The following FMNL2 variants were observed in gnomAD, a reference collection of about 807,000 sequenced individuals.
The protein encoded by FMNL2 is formin like 2.
Under a neutral mutation model 130.2 loss-of-function variants are expected in FMNL2, and 51 were observed. The observed-to-expected ratio is 0.39, with a 90% CI of 0.31 to 0.49. FMNL2 has a LOEUF of 0.49. Among genes scored for constraint, FMNL2 ranks in the 20% least tolerant of loss-of-function variants. The pLI is 0.85. For missense variants in FMNL2, 977 were observed against 1,316.2 expected (o/e 0.74, Z 3.99); for synonymous variants, 465 against 467.1 (o/e 1.00, Z 0.06).
chr2:152,446,085 CAT>C (rs893566370), intron 1 of FMNL2, among the ~76,000 whole-genome samples: 24 of 152,190 alleles, frequency 1.6e-4, no homozygotes, highest in African/African-American at 5.1e-4. Flanking sequence ...GAAATTAGAC[CAT>C]GTGTGTGGCG....
intron 1 of FMNL2, among the ~76,000 whole-genome samples, chr2:152,487,154 T>G (rs1297509703): frequency 2.0e-5 from 3 of 152,238 alleles, no homozygotes; most frequent in African/African-American, 7.2e-5. Context: ...ACATAAATCT[T>G]ATATTCTACA....
At chr2:152,390,027 A>G (rs1685014863) in intron 1 of FMNL2, 1 of 1,581,852 alleles carries the variant, frequency 6.3e-7, no homozygotes, top group Non-Finnish European at 8.7e-7. Context: ...GGATGCAGAG[A>G]ATCATGAGGC....
In FMNL2 at chr2:152,568,218, G is replaced by GTTTTTTTTT. The variant is rs1177965681; in HGVS notation, c.597-6911_597-6903dup. ...TGAGCAACGGCTTCCATTTTGGTGG[G>GTTTTTTTTT]TTTTTTTTTTTTTTTGAGACGGAGT... is the stretch of plus-strand genomic sequence containing the variant. On this transcript the variant is annotated intron_variant, in intron 6 of 25. Transcript: ENST00000288670. Among the ~76,000 whole-genome samples, 8 of 34,856 alleles carry GTTTTTTTTT rather than the reference G, an allele frequency of 2.3e-4. 2 individuals are homozygous for GTTTTTTTTT. Among genetic ancestry groups the GTTTTTTTTT allele is most frequent in the African/African-American group, 6.7e-4 (8 of 11,874 alleles). The allele number at this position is 34,856 out of a possible 152,430, so 22.9% of individuals were successfully genotyped here. A position where few individuals can be genotyped will look rare whatever the true frequency, so the allele number is the denominator to read the frequency against.
intron 1 of FMNL2, among the ~76,000 whole-genome samples, chr2:152,392,884 G>A (rs1685193745): frequency 6.6e-6 from 1 of 152,168 alleles, no homozygotes; most frequent in South Asian, 2.1e-4. Flanking sequence ...GGAGAGCTAA[G>A]AGTGGGAGGG....
chr2:152,516,247 CTACT>C (rs374073367), intron 1 of FMNL2, among the ~76,000 whole-genome samples: 50 of 152,208 alleles, frequency 3.3e-4, no homozygotes, highest in African/African-American at 9.2e-4. Context: ...GTTATAAACA[CTACT>C]TAAAGTATAA....
intron 2 of FMNL2, among the ~76,000 whole-genome samples, chr2:152,523,179 A>G (rs1177536679): frequency 1.3e-5 from 2 of 152,142 alleles, no homozygotes; most frequent in Non-Finnish European, 2.9e-5. Context: ...TTTCCAAAAG[A>G]AACTATATAA....
intron 3 of FMNL2, among the ~76,000 whole-genome samples, chr2:152,547,936 A>G (rs1330871955): frequency 6.6e-6 from 1 of 152,192 alleles, no homozygotes; most frequent in Non-Finnish European, 1.5e-5. Context: ...ATATTTCTGT[A>G]GGAAAATGTG....
chr2:152,619,442 C>T, intron 14 of FMNL2, 67 bp from the exon 15 acceptor site: 1 of 1,545,058 alleles, frequency 6.5e-7, no homozygotes, highest in Non-Finnish European at 8.7e-7. Flanking sequence ...TTTATATGCA[C>T]ATGGCTTATT....
intron 20 of FMNL2, among the ~76,000 whole-genome samples, chr2:152,630,918 C>G (rs1682115222): frequency 6.6e-6 from 1 of 152,134 alleles, no homozygotes; most frequent in Non-Finnish European, 1.5e-5. Flanking sequence ...TGGGAGAGTT[C>G]ATGTAATCAG....
At chr2:152,560,724 A>G (rs2105596849) in intron 5 of FMNL2, among the ~76,000 whole-genome samples, 159 bp from the exon 6 acceptor site, 1 of 152,358 alleles carries the variant, frequency 6.6e-6, no homozygotes, top group Admixed American at 6.5e-5. Flanking sequence ...CACTGAGCCC[A>G]TAGAAATTCC....
chr2:152,593,860 A>AGAGTGTGTGTGTGTGT (rs1365489869), intron 9 of FMNL2, among the ~76,000 whole-genome samples: 1 of 113,294 alleles, frequency 8.8e-6, no homozygotes, highest in African/African-American at 3.5e-5. Context: ...AGAGAGAGAG[A>AGAGTGTGTGTGTGTGT]GTGTGTGTGT....
At chr2:152,479,215 C>T (rs1178740016) in intron 1 of FMNL2, among the ~76,000 whole-genome samples, 1 of 152,128 alleles carries the variant, frequency 6.6e-6, no homozygotes, top group East Asian at 1.9e-4. Context: ...CCTCGAACTC[C>T]TGGGCTCAAC....
In FMNL2 at chr2:152,486,238, C is replaced by T. The variant is rs896067961; in HGVS notation, c.118-35705C>T. On this transcript the variant is annotated intron_variant, in intron 1 of 25. Coordinates refer to ENST00000288670, the MANE Select transcript of FMNL2 (RefSeq NM_052905.4). The stretch of plus-strand genomic sequence containing the variant: ...ATCGCTGTAAAGTTAATGTAATTTA[C>T]GGGAAGTTCCCGTGCCACACTGCAT... Among the ~76,000 whole-genome samples, 6 of 152,276 alleles carry T rather than the reference C, an allele frequency of 3.9e-5. No homozygotes were observed. The East Asian group carries it at 5.8e-4, about 15-fold the overall frequency.
intron 1 of FMNL2, among the ~76,000 whole-genome samples, chr2:152,380,834 T>C (rs1684421837): frequency 6.6e-6 from 1 of 152,164 alleles, no homozygotes. Context: ...GTAAGACCGT[T>C]CTAGTTTAAG....
intron 1 of FMNL2, among the ~76,000 whole-genome samples, chr2:152,346,705 A>G (rs1682143441): frequency 6.6e-6 from 1 of 152,140 alleles, no homozygotes; most frequent in African/African-American, 2.4e-5. Context: ...TGATGTTTCT[A>G]ATGATAATGG....
intron 1 of FMNL2, among the ~76,000 whole-genome samples, chr2:152,463,390 T>A (rs1379700854): frequency 6.6e-6 from 1 of 152,220 alleles, no homozygotes; most frequent in Admixed American, 6.5e-5. Flanking sequence ...TTGCTGAAGG[T>A]CACACATCTT....
intron 1 of FMNL2, among the ~76,000 whole-genome samples, chr2:152,498,437 A>G (rs1194774655): frequency 1.3e-5 from 2 of 152,148 alleles, no homozygotes; most frequent in Non-Finnish European, 2.9e-5. Context: ...TTTTAAAAAA[A>G]TGCCCACAGC....
At chr2:152,365,912 A>T (rs755506895) in intron 1 of FMNL2, among the ~76,000 whole-genome samples, 10 of 152,128 alleles carry the variant, frequency 6.6e-5, no homozygotes, top group Non-Finnish European at 1.0e-4. Context: ...ATTCAAATTG[A>T]TCCTTGTTTG....
At chr2:152,446,280 A>G (rs886173449) in intron 1 of FMNL2, among the ~76,000 whole-genome samples, 2 of 152,186 alleles carry the variant, frequency 1.3e-5, no homozygotes, top group Non-Finnish European at 2.9e-5. Context: ...GGTCTAATAA[A>G]TATTTTTTTT....
Sources: gnomAD v4.1 joint callset for allele counts (sites outside exome capture counted in the v4.1 genomes callset) on GRCh38, gnomAD v4.1.1 for gene constraint, MANE v1.5 for transcripts, NCBI Gene and HGNC (gene_info 2026-07-23, HGNC 2026-07-21) for gene names.